NLRP7: variants seen among roughly 807,000 people sequenced by gnomAD.
The protein encoded by NLRP7 is NACHT, LRR and PYD domains-containing protein 7.
NLRP7 carries 72 observed loss-of-function variants against 85.5 expected under a neutral mutation model. That is an observed-to-expected ratio of 0.84 (90% CI 0.70 to 1.02). The LOEUF (loss-of-function observed/expected upper bound fraction) is 1.02, where lower values mean the gene tolerates loss of function less well. NLRP7 is among the 50% of genes least tolerant of loss of function. NLRP7 has a pLI of 0.00. For missense variants in NLRP7, 1,243 were observed against 1,219.5 expected (o/e 1.02, Z -0.29); for synonymous variants, 550 against 505.2 (o/e 1.09, Z -1.19).
chr19:54,954,528 CAAAAA>C (rs35846819), intron 1 of NLRP7, among the ~76,000 whole-genome samples: 5 of 47,516 alleles, frequency 1.1e-4, no homozygotes, highest in East Asian at 1.2e-3. Flanking sequence ...GACTCCGTCT[CAAAAA>C]AAAAAAAAAA....
intron 1 of NLRP7, among the ~76,000 whole-genome samples, chr19:54,961,715 G>C (rs901565436): frequency 3.3e-5 from 5 of 150,850 alleles, no homozygotes; most frequent in Admixed American, 2.7e-4. Flanking sequence ...AGGAGGCTGA[G>C]GCAAGAGAAT....
rs1230178635 is a variant in NLRP7, at chr19:54,953,798, T to G, written c.-76-6293A>C. 2.7e-5 allele frequency among the ~76,000 whole-genome samples: 4 copies of G among 150,878 alleles called. No individual in the cohort carries two copies. The East Asian group carries it at 7.9e-4, about 30-fold the overall frequency. On this transcript the variant is annotated intron_variant, in intron 1 of 2. Coordinates refer to the NLRP7 transcript ENST00000587103. ...CGGGTGGATCACACGGTCAGGAGAT[T>G]GAGACCATCCTGGCTAACACGGTGA...
intron 1 of NLRP7, among the ~76,000 whole-genome samples, chr19:54,962,730 G>T (rs1301837312): frequency 1.3e-5 from 2 of 151,300 alleles, no homozygotes; most frequent in Non-Finnish European, 3.0e-5. Context: ...CTCCCGAGTA[G>T]CTGGGACTAC....
chr19:54,962,845 C>G (rs71367128), intron 1 of NLRP7, among the ~76,000 whole-genome samples: 37 of 150,834 alleles, frequency 2.5e-4, no homozygotes, highest in Admixed American at 6.0e-4. Context: ...GTGATCCGCC[C>G]GCCTCGGCCT....
At chr19:54,949,988 G>A (rs987916947), upstream of NLRP7, among the ~76,000 whole-genome samples, 6 of 152,004 alleles carry the variant, frequency 3.9e-5, no homozygotes, top group Admixed American at 2.6e-4. Context: ...TGTAGACCCA[G>A]CTACTCAGGA....
exon 2 of NLRP7, chr19:54,941,700 G>T: frequency 6.2e-7 from 1 of 1,612,568 alleles, no homozygotes; most frequent in African/African-American, 1.3e-5. Context: ...ACTCTAGCTG[G>T]GGCGATGTCA....
In NLRP7 at chr19:54,927,599, C is replaced by A. The variant is rs749711831; in HGVS notation, c.2810+2900G>T. The A allele has an allele frequency of 3.1e-6, 5 of 1,613,556 alleles. No homozygotes were observed. In the South Asian group the frequency reaches 4.4e-5, roughly 14 times the overall value. On this transcript the variant is annotated intron_variant, in intron 9 of 9. Transcript: ENST00000340844. ...AACAAAACAAAACAAAACAAAAAAC[C>A]CATACCTGAGTATCTTCAAGGATCC...
At chr19:54,933,950 GTGT>G (rs1195738001) in intron 7 of NLRP7, among the ~76,000 whole-genome samples, 5 of 152,080 alleles carry the variant, frequency 3.3e-5, no homozygotes, top group African/African-American at 4.8e-5. Flanking sequence ...CAGGACACAG[GTGT>G]TGTTTTTGAG....
intron 9 of NLRP7, chr19:54,927,632 T>G (rs1372134985): frequency 1.2e-6 from 2 of 1,614,060 alleles, no homozygotes; most frequent in East Asian, 2.2e-5. Context: ...TCCAGTTCTT[T>G]GTCTTAGAAC....
upstream of NLRP7, among the ~76,000 whole-genome samples, chr19:54,948,578 A>T (rs1308286190): frequency 6.7e-6 from 1 of 148,210 alleles, no homozygotes; most frequent in Non-Finnish European, 1.5e-5. Context: ...CTGATATTTA[A>T]TTTTTTTTTT....
At chr19:54,935,220 G>A (rs1459251941) in intron 6 of NLRP7, among the ~76,000 whole-genome samples, 1 of 43,268 alleles carries the variant, frequency 2.3e-5, no homozygotes, top group Non-Finnish European at 4.2e-5. Context: ...GGATGATTTT[G>A]CAGGGGGGAA....
chr19:54,938,194 G>C (rs776466923), exon 5 of NLRP7: 1 of 1,614,138 alleles, frequency 6.2e-7, no homozygotes, highest in African/African-American at 1.3e-5. Context: ...GAGGCGAAGA[G>C]AGCGAAGATC....
At chr19:54,936,173 T>TG (rs1313514816) in intron 6 of NLRP7, 88 bp downstream of exon 6, 7 of 1,179,958 alleles carry the variant, frequency 5.9e-6, no homozygotes, top group African/African-American at 1.5e-5. Context: ...GGACGGCATC[T>TG]GGAGTGGTTA....
At chr19:54,926,289 G>A (rs939664694) in intron 9 of NLRP7, among the ~76,000 whole-genome samples, 1 of 151,918 alleles carries the variant, frequency 6.6e-6, no homozygotes, top group Non-Finnish European at 1.5e-5. Context: ...TAAACTCTCA[G>A]TATGCCTAGG....
At chr19:54,938,268 T>C in intron 4 of NLRP7, 27 bp from the exon 5 acceptor site, 3 of 1,592,304 alleles carry the variant, frequency 1.9e-6, no homozygotes, top group Admixed American at 1.7e-5. Context: ...GTTCATCTCT[T>C]AGGACTAGTA....
intron 1 of NLRP7, chr19:54,953,482 CA>C (rs1383964934): frequency 6.6e-6 from 1 of 152,056 alleles, no homozygotes; most frequent in Non-Finnish European, 1.5e-5. Context: ...CCGATTAGGT[CA>C]GGGGTCAATC....
At chr19:54,940,133 T>C (rs774147985) in exon 4 of NLRP7, 1 of 1,614,188 alleles carries the variant, frequency 6.2e-7, no homozygotes, top group Admixed American at 1.7e-5. Context: ...AGGCCAGTCT[T>C]TGGAGATCAG....
intron 1 of NLRP7, among the ~76,000 whole-genome samples, chr19:54,953,553 G>A (rs961627810): frequency 6.7e-6 from 1 of 149,240 alleles, no homozygotes; most frequent in Non-Finnish European, 1.5e-5. Flanking sequence ...TCATTCCTGG[G>A]CCGCGGGGCT....
chr19:54,930,460 T>C lies in NLRP7; in HGVS notation c.2810+39A>G, dbSNP rs1365562412. On this transcript the variant is annotated intron_variant, in intron 9 of 9. Coordinates refer to ENST00000340844, the Ensembl canonical transcript of NLRP7. ...CTGGGGGACAGAGCAAGACCCTGTC[T>C]CAAAAAAAGAAAGAAAGAAGAAAAA... is the stretch of plus-strand genomic sequence containing the variant. The C allele has an allele frequency of 2.7e-6, 4 of 1,456,262 alleles. No individual in the cohort carries two copies. In the Admixed American group the frequency reaches 5.0e-5, roughly 18 times the overall value. 90.2% of individuals were successfully genotyped at this position (1,456,262 alleles called of 1,614,324 possible). A position where few individuals can be genotyped will look rare whatever the true frequency, so the allele number is the denominator to read the frequency against.
Sources: allele counts gnomAD v4.1 joint callset (sites outside exome capture counted in the v4.1 genomes callset), GRCh38; gene constraint gnomAD v4.1.1; transcripts MANE v1.5; gene names NCBI Gene and HGNC (gene_info 2026-07-23, HGNC 2026-07-21).